PRDM16: variants seen among roughly 807,000 people sequenced by gnomAD.
PRDM16 encodes the protein PR/SET domain 16.
PRDM16 carries 23 observed loss-of-function variants against 110.6 expected under a neutral mutation model. That is an observed-to-expected ratio of 0.21 (90% CI 0.15 to 0.29). The LOEUF is 0.29. PRDM16 is among the 10% of genes least tolerant of loss of function. The probability of loss-of-function intolerance (pLI) is 1.00; values close to 1 mark genes in which losing one functional copy is unlikely to be tolerated. For synonymous variants in PRDM16, 799 were observed against 781.8 expected (o/e 1.02, Z -0.37); for missense variants, 1,615 against 1,794.3 (o/e 0.90, Z 1.81).
chr1:3,404,110 CGAGCCGTGATATATCA>C (rs1194703567), intron 6 of PRDM16, among the ~76,000 whole-genome samples: 1 of 152,194 alleles, frequency 6.6e-6, no homozygotes, highest in Non-Finnish European at 1.5e-5. Flanking sequence ...CCGTAATTAA[CGAGCCGTGATATATCA>C]CTGCTTTGCT....
chr1:3,120,576 G>A (rs1471689057), intron 1 of PRDM16, among the ~76,000 whole-genome samples: 11 of 152,190 alleles, frequency 7.2e-5, no homozygotes, highest in Non-Finnish European at 1.3e-4. Context: ...CAGCCAGAAA[G>A]GAACTCGGGA....
intron 8 of PRDM16, among the ~76,000 whole-genome samples, chr1:3,407,455 C>T (rs534760474): frequency 4.6e-5 from 7 of 152,308 alleles, no homozygotes; most frequent in South Asian, 2.1e-4. Context: ...TCCGGCACCC[C>T]GATACACAGT....
intron 1 of PRDM16, among the ~76,000 whole-genome samples, chr1:3,095,538 C>A (rs568495008): frequency 6.6e-6 from 1 of 152,236 alleles, no homozygotes; most frequent in Non-Finnish European, 1.5e-5. Context: ...TCATGGGGGG[C>A]CGGGCTCAGC....
chr1:3,147,293 A>G (rs1045984837), intron 1 of PRDM16, among the ~76,000 whole-genome samples: 1 of 151,310 alleles, frequency 6.6e-6, no homozygotes, highest in Non-Finnish European at 1.5e-5. Flanking sequence ...TTCTGGACTT[A>G]GAAGGAAAAG....
rs1445872758 is a variant in PRDM16 at position 3,434,941 on chromosome 1, G to A, written c.*1130G>A. 8.7e-6 allele frequency: 2 copies of A among 230,404 alleles called. No homozygotes were observed. Among genetic ancestry groups the A allele is most frequent in the Admixed American group, 5.6e-5 (1 of 17,708 alleles). The allele number at this position is 230,404 out of a possible 1,614,324, so 14.3% of individuals were successfully genotyped here. On this transcript the variant is annotated 3_prime_UTR_variant, in exon 17 of 17. Transcript: ENST00000270722. Reference sequence around the variant, plus strand: ...CCCTGGGGAGCAATCCCAGCGGATCGCTCCGGGCCACCAAGCCGCACCTGT... The same window carrying A: ...CCCTGGGGAGCAATCCCAGCGGATCACTCCGGGCCACCAAGCCGCACCTGT...
chr1:3,423,145 G>A (rs1638487919), intron 12 of PRDM16, among the ~76,000 whole-genome samples: 1 of 152,192 alleles, frequency 6.6e-6, no homozygotes, highest in Non-Finnish European at 1.5e-5. Context: ...AGTGGGATGG[G>A]GATATGCCTC....
chr1:3,399,111 GA>G (rs1486316734), intron 5 of PRDM16, among the ~76,000 whole-genome samples: 1 of 152,234 alleles, frequency 6.6e-6, no homozygotes, highest in African/African-American at 2.4e-5. Context: ...CAATGAAGAG[GA>G]AAGAATTCTC....
At chr1:3,158,778 CTTT>C (rs558510731) in intron 1 of PRDM16, among the ~76,000 whole-genome samples, 1 of 107,998 alleles carries the variant, frequency 9.3e-6, no homozygotes, top group African/African-American at 3.5e-5. Context: ...TTCTTTCCTT[CTTT>C]TTTTTTTTTT....
chr1:3,431,860 T>C, intron 15 of PRDM16, 106 bp from the exon 16 acceptor site: 2 of 1,110,414 alleles, frequency 1.8e-6, no homozygotes, highest in Non-Finnish European at 1.3e-6. Context: ...CTGGCAGAGA[T>C]GCAGCGGCGT....
intron 1 of PRDM16, among the ~76,000 whole-genome samples, chr1:3,096,428 A>G (rs2100608387): frequency 6.6e-6 from 1 of 152,194 alleles, no homozygotes; most frequent in Admixed American, 6.5e-5. Context: ...AGGGGAAGGA[A>G]TGAGGTCATG....
intron 9 of PRDM16, 57 bp downstream of exon 9, chr1:3,412,857 G>A (rs1643716850): frequency 7.3e-7 from 1 of 1,364,970 alleles, no homozygotes; most frequent in Non-Finnish European, 9.6e-7. Context: ...GGCGGTGCTG[G>A]GCGGGCTCAG....
intron 3 of PRDM16, among the ~76,000 whole-genome samples, chr1:3,277,621 G>A (rs1640614720): frequency 6.6e-6 from 1 of 152,246 alleles, no homozygotes; most frequent in Non-Finnish European, 1.5e-5. Flanking sequence ...CAGTGAAAAT[G>A]TCTCAAAGGT....
intron 3 of PRDM16, among the ~76,000 whole-genome samples, chr1:3,258,288 G>T (rs192193363): frequency 6.6e-6 from 1 of 152,274 alleles, no homozygotes; most frequent in Non-Finnish European, 1.5e-5. Context: ...TCTATGGGGG[G>T]GATATTGTGA....
At chr1:3,277,429 T>C (rs1454491365) in intron 3 of PRDM16, among the ~76,000 whole-genome samples, 1 of 152,226 alleles carries the variant, frequency 6.6e-6, no homozygotes, top group Non-Finnish European at 1.5e-5. Context: ...GGCCCTACCC[T>C]GCCATGGGGC....
At chr1:3,216,067 C>T (rs1186475529) in intron 2 of PRDM16, among the ~76,000 whole-genome samples, 1 of 152,024 alleles carries the variant, frequency 6.6e-6, no homozygotes, top group Non-Finnish European at 1.5e-5. Flanking sequence ...CATTGAAAAC[C>T]CAAGTGTATG....
intron 1 of PRDM16, among the ~76,000 whole-genome samples, chr1:3,119,770 T>C (rs1643048852): frequency 6.6e-6 from 1 of 151,564 alleles, no homozygotes; most frequent in African/African-American, 2.4e-5. Context: ...AGCGGTGGAG[T>C]TAAGTGTTTG....
intron 3 of PRDM16, among the ~76,000 whole-genome samples, chr1:3,254,287 A>G (rs540489478): frequency 6.6e-6 from 1 of 152,364 alleles, no homozygotes; most frequent in South Asian, 2.1e-4. Context: ...CCTATTCAAC[A>G]TAGTGTTGGA....
chr1:3,402,767 A>G (rs573880694), intron 5 of PRDM16, 24 bp from the exon 6 acceptor site: 1 of 1,598,066 alleles, frequency 6.3e-7, no homozygotes, highest in Non-Finnish European at 8.6e-7. Context: ...CTCACTCACC[A>G]CCACCTCGTT....
At position 3,324,221 on chromosome 1, in the gene PRDM16, C is replaced by G. The variant is rs148582750; in HGVS notation, c.439-60931C>G. Among the ~76,000 whole-genome samples the G allele has an allele frequency of 2.0e-4, 30 of 152,208 alleles. No individual in the cohort carries two copies. The East Asian group carries it at 5.8e-3, about 30-fold the overall frequency. On this transcript the variant is annotated intron_variant, in intron 3 of 16. Coordinates refer to ENST00000270722, the MANE Select transcript of PRDM16 (RefSeq NM_022114.4). The stretch of plus-strand genomic sequence containing the variant: ...TACAAAGTGGGTGCGGAGCAGGACT[C>G]CCACAGTGGGGCCTGGGGCACTAGG...
Sources: gnomAD v4.1 joint callset for allele counts (sites outside exome capture counted in the v4.1 genomes callset) on GRCh38, gnomAD v4.1.1 for gene constraint, MANE v1.5 for transcripts, NCBI Gene and HGNC (gene_info 2026-07-23, HGNC 2026-07-21) for gene names.